Variants in PTPN3 observed in about 807,000 individuals in gnomAD.
PTPN3 encodes tyrosine-protein phosphatase non-receptor type 3.
Under a neutral mutation model 132.7 loss-of-function variants are expected in PTPN3, and 96 were observed. That is an observed-to-expected ratio of 0.72 (90% confidence interval 0.61 to 0.86). The LOEUF (loss-of-function observed/expected upper bound fraction) is 0.86. Ranked by LOEUF, PTPN3 falls within the 40% of genes least tolerant of loss-of-function variation. The pLI, the probability that PTPN3 is intolerant of heterozygous loss-of-function variation, is 0.00. For missense variants in PTPN3, 1,125 were observed against 1,159.6 expected (o/e 0.97, Z 0.43); for synonymous variants, 398 against 429.0 (o/e 0.93, Z 0.89).
chr9:109,460,507 C>G (rs901161209), intron 2 of PTPN3, among the ~76,000 whole-genome samples: 1 of 152,078 alleles, frequency 6.6e-6, no homozygotes, highest in African/African-American at 2.4e-5. Context: ...CCTGTTATCT[C>G]TCTGAGCTTA....
intron 13 of PTPN3, 136 bp from the exon 14 acceptor site, chr9:109,420,736 TAA>T: frequency 1.1e-6 from 1 of 915,478 alleles, no homozygotes; most frequent in Non-Finnish European, 1.6e-6. Flanking sequence ...CAGAGCCGGT[TAA>T]CTCATTACTA....
the PTPN3 span, among the ~76,000 whole-genome samples, chr9:109,506,506 T>A: frequency 5.1e-4 from 76 of 150,026 alleles, no homozygotes; most frequent in East Asian, 8.3e-3. Flanking sequence ...CTTCTTTCCT[T>A]CCTTCCTTCT....
intron 9 of PTPN3, 36 bp downstream of exon 9, chr9:109,436,847 A>AT (rs1564440158): frequency 1.3e-6 from 2 of 1,580,516 alleles, no homozygotes; most frequent in Admixed American, 3.8e-5. Context: ...AAATAAAAAC[A>AT]TAATGTTTGA....
intron 1 of PTPN3, among the ~76,000 whole-genome samples, chr9:109,490,517 C>G (rs1251735950): frequency 6.6e-6 from 1 of 152,086 alleles, no homozygotes; most frequent in East Asian, 1.9e-4. Context: ...GTGGGCGGAT[C>G]ACCTGAGGTC....
intron 23 of PTPN3, 94 bp downstream of exon 23, chr9:109,383,327 AAC>A: frequency 1.2e-6 from 2 of 1,600,892 alleles, no homozygotes; most frequent in Non-Finnish European, 1.7e-6. Context: ...GCCAGGTGCA[AAC>A]AGAGTGCACA....
chr9:109,474,692 C>T (rs866634434), intron 1 of PTPN3, among the ~76,000 whole-genome samples: 10 of 152,276 alleles, frequency 6.6e-5, no homozygotes, highest in Middle Eastern at 3.4e-3. Context: ...TGAGGAATAA[C>T]TGAAATCTTA....
intron 13 of PTPN3, 29 bp from the exon 14 acceptor site, chr9:109,420,629 T>C: frequency 6.3e-7 from 1 of 1,581,000 alleles, no homozygotes; most frequent in Non-Finnish European, 8.6e-7. Flanking sequence ...GAGTGCAAAG[T>C]GTTCAAAGCA....
chr9:109,463,109 C>G (rs1330715162), intron 2 of PTPN3, among the ~76,000 whole-genome samples, 188 bp downstream of exon 2: 2 of 151,366 alleles, frequency 1.3e-5, no homozygotes, highest in Non-Finnish European at 2.9e-5. Flanking sequence ...GGGGGAAGAC[C>G]CTCAGGGCAG....
the PTPN3 span, among the ~76,000 whole-genome samples, chr9:109,505,758 T>C: frequency 6.6e-6 from 1 of 152,046 alleles, no homozygotes; most frequent in Non-Finnish European, 1.5e-5. Flanking sequence ...AACTTCTTTT[T>C]TTTTTTTTTG....
intron 19 of PTPN3, among the ~76,000 whole-genome samples, chr9:109,397,939 A>C (rs963313396): frequency 6.6e-6 from 1 of 152,206 alleles, no homozygotes; most frequent in African/African-American, 2.4e-5. Flanking sequence ...ACAAACAAAC[A>C]AACAAAAACA....
At chr9:109,381,940 G>A (rs1039970782) in intron 24 of PTPN3, among the ~76,000 whole-genome samples, 153 bp from the exon 25 acceptor site, 2 of 152,208 alleles carry the variant, frequency 1.3e-5, no homozygotes, top group African/African-American at 4.8e-5. Flanking sequence ...CAAACAGGCT[G>A]AGACAGCCTG....
chr9:109,464,779 G>A (rs997963744), intron 1 of PTPN3, among the ~76,000 whole-genome samples: 6 of 152,148 alleles, frequency 3.9e-5, no homozygotes, highest in Non-Finnish European at 8.8e-5. Context: ...CATGCAAAAC[G>A]TGAATCAATT....
the PTPN3 span, among the ~76,000 whole-genome samples, chr9:109,512,739 C>T: frequency 6.6e-6 from 1 of 152,150 alleles, no homozygotes; most frequent in African/African-American, 2.4e-5. Flanking sequence ...CTTGTTCCTC[C>T]TTAATCAGGG....
In PTPN3 at chr9:109,433,515, T is replaced by G. The variant is rs1363875157; in HGVS notation, c.676-354A>C. ...GGCCTCACCCCTTTGCAAAGCTTTTTGCAAATCTCAATTTCCATTACTGTA... is the reference window on the plus strand; with the variant it reads ...GGCCTCACCCCTTTGCAAAGCTTTTGGCAAATCTCAATTTCCATTACTGTA... On this transcript the variant is annotated intron_variant, in intron 9 of 25. Transcript: ENST00000374541. 2.0e-5 allele frequency among the ~76,000 whole-genome samples: 3 copies of G among 152,262 alleles called. No individual in the cohort carries two copies. The East Asian group carries it at 5.8e-4, about 29-fold the overall frequency.
chr9:109,428,236 T>TA (rs1843417528), intron 11 of PTPN3, among the ~76,000 whole-genome samples: 1 of 152,214 alleles, frequency 6.6e-6, no homozygotes, highest in Non-Finnish European at 1.5e-5. Flanking sequence ...TAGGGAACGT[T>TA]AAGTAACCTG....
chr9:109,474,645 A>G (rs1403884833), intron 1 of PTPN3, among the ~76,000 whole-genome samples: 1 of 152,224 alleles, frequency 6.6e-6, no homozygotes, highest in African/African-American at 2.4e-5. Flanking sequence ...CACGCATGGT[A>G]TGGGAACTCC....
intron 1 of PTPN3, among the ~76,000 whole-genome samples, chr9:109,489,526 G>A (rs963886889): frequency 2.0e-5 from 3 of 152,050 alleles, no homozygotes; most frequent in African/African-American, 7.2e-5. Context: ...GGGCAGTCCC[G>A]GCTTAGACCC....
chr9:109,476,939 A>G lies in PTPN3; in HGVS notation c.-17-13488T>C, dbSNP rs116109096. Among the ~76,000 whole-genome samples the G allele has an allele frequency of 5.6e-3, 847 of 152,106 alleles. 5 individuals are homozygous for G. The highest frequency in any genetic ancestry group is 0.019 in the African/African-American group (806 of 41,480). On this transcript the variant is annotated intron_variant, in intron 1 of 25. Coordinates refer to ENST00000374541, the MANE Select transcript of PTPN3 (RefSeq NM_002829.4). The stretch of plus-strand genomic sequence containing the variant: ...TACAGGGCTTCAGCGATTTCCAAGT[A>G]TTTTTACACCCCTCACTCCTGACTG...
At chr9:109,430,511 G>A (rs1163187049) in intron 10 of PTPN3, among the ~76,000 whole-genome samples, 1 of 151,552 alleles carries the variant, frequency 6.6e-6, no homozygotes, top group African/African-American at 2.4e-5. Context: ...GGGCCTCAGC[G>A]GGGCTCCCTA....
Sources: gnomAD v4.1 joint callset for allele counts (sites outside exome capture counted in the v4.1 genomes callset) on GRCh38, gnomAD v4.1.1 for gene constraint, MANE v1.5 for transcripts, NCBI Gene and HGNC (gene_info 2026-07-23, HGNC 2026-07-21) for gene names.